Variants in ROR1 observed in about 807,000 individuals in gnomAD.
The protein encoded by ROR1 is ROR family WNT receptor 1.
ROR1 carries 19 observed loss-of-function variants against 78.8 expected under a neutral mutation model. The observed-to-expected ratio is 0.24, with a 90% CI of 0.17 to 0.35. ROR1 has a LOEUF of 0.35. Among genes scored for constraint, ROR1 ranks in the 10% least tolerant of loss-of-function variants. ROR1 has a pLI of 1.00. For missense variants in ROR1, 917 were observed against 1,177.8 expected (o/e 0.78, Z 3.24); for synonymous variants, 386 against 433.6 (o/e 0.89, Z 1.36).
chr1:64,098,862 C>T (rs909281592), intron 4 of ROR1, among the ~76,000 whole-genome samples: 27 of 152,088 alleles, frequency 1.8e-4, no homozygotes, highest in Admixed American at 1.4e-3. Flanking sequence ...ATAGTTGCCC[C>T]AACAATGATG....
intron 1 of ROR1, among the ~76,000 whole-genome samples, chr1:63,899,724 T>G (rs566656627): frequency 6.6e-6 from 1 of 152,018 alleles, no homozygotes; most frequent in African/African-American, 2.4e-5. Context: ...GAAAAGGAAA[T>G]GTTCTTTGCT....
chr1:63,795,633 T>TG (rs1014047726), intron 1 of ROR1, among the ~76,000 whole-genome samples: 15 of 152,108 alleles, frequency 9.9e-5, no homozygotes, highest in Admixed American at 7.9e-4. Flanking sequence ...TTCTGAATGG[T>TG]GGGAGGGCAG....
At chr1:64,050,208 G>A (rs978843590) in intron 3 of ROR1, among the ~76,000 whole-genome samples, 8 of 152,184 alleles carry the variant, frequency 5.3e-5, no homozygotes, top group East Asian at 1.9e-4. Flanking sequence ...AATGAGGTCC[G>A]GATCTTTCTG....
rs34933492 is a variant in ROR1 at position 63,786,256 on chromosome 1, A to ATTTTTTT, written c.91+11776_91+11782dup. Among the ~76,000 whole-genome samples the ATTTTTTT allele has an allele frequency of 1.6e-3, 109 of 67,510 alleles. 9 individuals are homozygous for ATTTTTTT. The highest frequency in any genetic ancestry group is 2.0e-3 in the Non-Finnish European group (71 of 35,310). The allele number at this position is 67,510 out of a possible 152,430, so 44.3% of individuals were successfully genotyped here. ...CCCCCCTTACGCTGGCTACAACTTG[A>ATTTTTTT]TTTTTTTTTTTTTTTTTTTTTTTTT... On this transcript the variant is annotated intron_variant, in intron 1 of 8. Transcript: ENST00000371079.
rs79832327 is a variant in ROR1, at chr1:63,977,550, G to A, written c.92-31755G>A. Among the ~76,000 whole-genome samples the A allele has an allele frequency of 6.8e-3, 1,031 of 152,242 alleles. 14 individuals are homozygous for A. Among genetic ancestry groups the A allele is most frequent in the African/African-American group, 0.024 (988 of 41,552 alleles). On this transcript the variant is annotated intron_variant, in intron 1 of 8. Transcript: ENST00000371079. ...CATCAGTAAAATGGAAATGATTATAGTACTGACCTTGTAGGATTATTCTAA... is the reference window on the plus strand; with the variant it reads ...CATCAGTAAAATGGAAATGATTATAATACTGACCTTGTAGGATTATTCTAA...
intron 2 of ROR1, among the ~76,000 whole-genome samples, chr1:64,013,591 C>T (rs960387330): frequency 2.0e-5 from 3 of 152,138 alleles, no homozygotes; most frequent in Non-Finnish European, 4.4e-5. Flanking sequence ...TCCCCATTTC[C>T]CCGCAGTGCC....
chr1:63,921,396 A>G (rs532068870), intron 1 of ROR1, among the ~76,000 whole-genome samples: 18 of 152,260 alleles, frequency 1.2e-4, no homozygotes, highest in African/African-American at 4.3e-4. Context: ...GCAAGATCTT[A>G]GAGAACCAAG....
chr1:63,898,394 T>A (rs1251133316), intron 1 of ROR1, among the ~76,000 whole-genome samples: 2 of 151,694 alleles, frequency 1.3e-5, no homozygotes, highest in Admixed American at 6.6e-5. Context: ...AGGAGGTTTT[T>A]TTTTTAAAAA....
At chr1:63,997,833 T>G (rs974418275) in intron 1 of ROR1, among the ~76,000 whole-genome samples, 5 of 71,738 alleles carry the variant, frequency 7.0e-5, no homozygotes, top group Non-Finnish European at 1.1e-4. Flanking sequence ...TGATTAGTGT[T>G]TTTTTTTTTT....
chr1:64,128,074 T>C (rs1001721257), intron 4 of ROR1, among the ~76,000 whole-genome samples: 8 of 152,052 alleles, frequency 5.3e-5, no homozygotes, highest in African/African-American at 1.9e-4. Context: ...AAGAATTCCT[T>C]TGGAAGCAAA....
chr1:64,023,579 C>T (rs1201722972), intron 2 of ROR1, among the ~76,000 whole-genome samples: 1 of 152,156 alleles, frequency 6.6e-6, no homozygotes, highest in South Asian at 2.1e-4. Flanking sequence ...AATATCTAAA[C>T]ATATTTATTT....
chr1:63,787,101 C>T (rs1471503113), intron 1 of ROR1, among the ~76,000 whole-genome samples: 1 of 152,202 alleles, frequency 6.6e-6, no homozygotes, highest in Non-Finnish European at 1.5e-5. Flanking sequence ...TCTACCCTCA[C>T]ACCGGCCTAC....
At chr1:63,903,991 A>G (rs1645508593) in intron 1 of ROR1, among the ~76,000 whole-genome samples, 1 of 152,134 alleles carries the variant, frequency 6.6e-6, no homozygotes, top group African/African-American at 2.4e-5. Flanking sequence ...ATTTGAGCAG[A>G]GTCTTGAGAA....
At chr1:63,776,150 C>A (rs1432103374) in intron 1 of ROR1, among the ~76,000 whole-genome samples, 1 of 152,162 alleles carries the variant, frequency 6.6e-6, no homozygotes, top group Non-Finnish European at 1.5e-5. Context: ...AGTTATTTCC[C>A]CTGTGGACTC....
chr1:64,058,880 A>AT (rs557023737), intron 4 of ROR1, among the ~76,000 whole-genome samples: 91 of 152,128 alleles, frequency 6.0e-4, no homozygotes, highest in African/African-American at 2.1e-3. Context: ...TTTTTCTTCC[A>AT]TTTTTTAAGA....
intron 1 of ROR1, among the ~76,000 whole-genome samples, chr1:63,860,772 GAAAAA>G (rs1319567628): frequency 1.7e-5 from 2 of 116,794 alleles, no homozygotes; most frequent in Admixed American, 9.1e-5. Flanking sequence ...CTGTCTCGGG[GAAAAA>G]AAAAAAAAAA....
intron 1 of ROR1, among the ~76,000 whole-genome samples, chr1:63,929,928 G>T (rs2100442623): frequency 6.6e-6 from 1 of 152,258 alleles, no homozygotes; most frequent in Middle Eastern, 3.4e-3. Flanking sequence ...AGATTAATCT[G>T]CCTCTCACTG....
intron 4 of ROR1, among the ~76,000 whole-genome samples, chr1:64,070,399 G>A (rs1432050528): frequency 6.6e-6 from 1 of 152,134 alleles, no homozygotes; most frequent in Non-Finnish European, 1.5e-5. Flanking sequence ...TGCAATCATG[G>A]CTTACTGCAG....
At chr1:64,091,504 A>G (rs962562705) in intron 4 of ROR1, among the ~76,000 whole-genome samples, 1 of 152,028 alleles carries the variant, frequency 6.6e-6, no homozygotes, top group African/African-American at 2.4e-5. Context: ...CTTTGATCCC[A>G]TTGTACCCTG....
Sources: allele counts gnomAD v4.1 joint callset (sites outside exome capture counted in the v4.1 genomes callset), GRCh38; gene constraint gnomAD v4.1.1; transcripts MANE v1.5; gene names NCBI Gene and HGNC (gene_info 2026-07-23, HGNC 2026-07-21).